KCTD20: variants seen among roughly 807,000 people sequenced by gnomAD.
The protein encoded by KCTD20 is BTB/POZ domain-containing protein KCTD20.
In KCTD20, 30 loss-of-function variants were observed where a neutral mutation model predicts 39.6. The observed-to-expected ratio is 0.76, with a 90% CI of 0.57 to 1.03. KCTD20 has a LOEUF of 1.03. Ranked by LOEUF, KCTD20 falls within the 50% of genes least tolerant of loss-of-function variation. The probability of loss-of-function intolerance (pLI) is 0.00; values close to 1 mark genes in which losing one functional copy is unlikely to be tolerated. For missense variants in KCTD20, 422 were observed against 522.0 expected (o/e 0.81, Z 1.87); for synonymous variants, 162 against 180.6 (o/e 0.90, Z 0.83).
chr6:36,489,438 A>G lies in KCTD20; in HGVS notation c.*2263A>G, dbSNP rs1356830204. ...AACCTGTGGGGTTTGAGTAAGCTGG[A>G]AATCTGTGACGGTAGGCTTTCTAGT... On this transcript the variant is annotated 3_prime_UTR_variant, in exon 8 of 8. Transcript: ENST00000373731. 3 of 152,178 alleles carry G rather than the reference A, an allele frequency of 2.0e-5. No individual in the cohort carries two copies. Among genetic ancestry groups the G allele is most frequent in the African/African-American group, 7.2e-5 (3 of 41,426 alleles). 9.4% of individuals were successfully genotyped at this position (152,178 alleles called of 1,614,324 possible). A position where few individuals can be genotyped will look rare whatever the true frequency, so the allele number is the denominator to read the frequency against.
rs1776180942 is a variant in KCTD20, at chr6:36,479,653, T to C, written c.600T>C (p.Asp200=). Residue 200 remains aspartate (D), a synonymous_variant, in exon 5 of 8, where the codon GAT becomes GAC. Coordinates refer to ENST00000373731, the MANE Select transcript of KCTD20 (RefSeq NM_173562.5). ...GCATCTCTATCCCAGATCTTAGAGA[T>C]ACTTGTGATTATCTCTGCATTAATT... ...PDGISIPDLR[D]TCDYLCINFD... is the part of the protein sequence containing the mutation. The C allele has an allele frequency of 1.9e-6, 3 of 1,610,376 alleles. No homozygotes were observed. In the South Asian group the frequency reaches 3.3e-5, roughly 18 times the overall value.
rs1775857440 is a variant in KCTD20, at chr6:36,469,682, G to GT, written c.-46-366dup. 6.6e-6 allele frequency among the ~76,000 whole-genome samples: 1 copy of GT among 152,068 alleles called. No individual in the cohort carries two copies. The highest frequency in any genetic ancestry group is 2.4e-5 in the African/African-American group (1 of 41,394). On this transcript the variant is annotated intron_variant, in intron 1 of 7. Coordinates refer to ENST00000373731, the MANE Select transcript of KCTD20 (RefSeq NM_173562.5). This position sits in a 1 kb window ranked among gnomAD's most constrained non-coding sequence, Gnocchi z 4.6. ...ATGTGTCAATTTTAAAAAAACATAGGTTTTCTTTAGTTGAAAAGTTGGACT... is the reference window on the plus strand; with the variant it reads ...ATGTGTCAATTTTAAAAAAACATAGGTTTTTCTTTAGTTGAAAAGTTGGACT...
In KCTD20 at chr6:36,486,495, C is replaced by CA. The variant is rs541483219; in HGVS notation, c.968-388_968-387insA. On this transcript the variant is annotated intron_variant, in intron 7 of 7. Transcript: ENST00000373731. The stretch of plus-strand genomic sequence containing the variant: ...ACATTCCACATTTCCTTAACTGTTT[C>CA]TCATATAGTATGCCCTCTAAGCAAT... 4.6e-5 allele frequency among the ~76,000 whole-genome samples: 7 copies of CA among 152,272 alleles called. No individual in the cohort carries two copies. The South Asian group carries it at 1.4e-3, about 32-fold the overall frequency.
At chr6:36,450,351 G>A (rs182293082) in intron 1 of KCTD20, among the ~76,000 whole-genome samples, 260 of 151,690 alleles carry the variant, frequency 1.7e-3, no homozygotes, top group African/African-American at 6.1e-3. Flanking sequence ...AGCTGGGCAC[G>A]ATGGCACGTG....
chr6:36,487,203 G>A lies in KCTD20; in HGVS notation c.*28G>A, dbSNP rs1776453937. ...CCAGCTGTGGGTCTACTCCTTGTTG[G>A]AGCCCATCTCACCTGGGATGCCTGC... On this transcript the variant is annotated 3_prime_UTR_variant, in exon 8 of 8. Transcript: ENST00000373731. 2.5e-6 allele frequency: 4 copies of A among 1,589,966 alleles called. No homozygotes were observed. Among genetic ancestry groups the A allele is most frequent in the Non-Finnish European group, 3.4e-6 (4 of 1,166,880 alleles).
chr6:36,474,723 A>G, intron 2 of KCTD20, 66 bp from the exon 3 acceptor site: 5 of 1,395,860 alleles, frequency 3.6e-6, no homozygotes, highest in Non-Finnish European at 4.8e-6. Context: ...TAAAGAAGAC[A>G]GGGTTTATTT....
chr6:36,459,751 GT>G (rs992752389), intron 1 of KCTD20, among the ~76,000 whole-genome samples: 5 of 151,868 alleles, frequency 3.3e-5, no homozygotes, highest in African/African-American at 1.2e-4. Context: ...CCTTTATACT[GT>G]TTTCTGACAG....
At chr6:36,484,850 C>T (rs1017158221) in intron 7 of KCTD20, 26 bp downstream of exon 7, 2 of 1,309,058 alleles carry the variant, frequency 1.5e-6, no homozygotes, top group Non-Finnish European at 2.2e-6. Context: ...AAATCCCAGT[C>T]AACATTCAGG....
chr6:36,446,270 C>T (rs1423323835), intron 1 of KCTD20, among the ~76,000 whole-genome samples: 4 of 151,960 alleles, frequency 2.6e-5, no homozygotes, highest in African/African-American at 7.3e-5. Context: ...TCAGGTGATC[C>T]GCCCACCTGG....
intron 6 of KCTD20, among the ~76,000 whole-genome samples, chr6:36,483,257 C>CTTTTTTTTTTTTTTTTTTTTTTTTTTT (rs1271097017): frequency 8.1e-6 from 1 of 123,734 alleles, no homozygotes; most frequent in African/African-American, 3.4e-5. Context: ...AAAACAGTGG[C>CTTTTTTTTTTTTTTTTTTTTTTTTTTT]TTTTTCTTTT....
chr6:36,485,219 C>G (rs1005689369), intron 7 of KCTD20, among the ~76,000 whole-genome samples: 3 of 151,792 alleles, frequency 2.0e-5, no homozygotes, highest in African/African-American at 7.3e-5. Context: ...AAGATTATTC[C>G]GGCTGGGCAC....
intron 1 of KCTD20, among the ~76,000 whole-genome samples, chr6:36,466,443 A>G (rs1210552865): frequency 6.8e-6 from 1 of 147,670 alleles, no homozygotes; most frequent in East Asian, 2.0e-4. Context: ...GTGCAGTGGT[A>G]CAATCACAGC....
rs370147381 is a variant in KCTD20, at chr6:36,470,218, C to T, written c.121C>T (p.Pro41Ser). ...AGCAAACAGCCTGGCTTCATCTGGT[C>T]CTCATAATCTTACTTATCCTCTAGG... ...KEANSLASSG[P>S]HNLTYPLGPR... Residue 41 changes from proline to serine, a missense_variant, in exon 2 of 8, where the codon CCT (proline) becomes TCT (serine). Transcript: ENST00000373731. 6.2e-7 allele frequency: 1 copy of T among 1,613,636 alleles called. No individual in the cohort carries two copies. The highest frequency in any genetic ancestry group is 8.5e-7 in the Non-Finnish European group (1 of 1,179,798).
chr6:36,446,024 G>GTTTTTTTTTTTTTTTTTTT (rs553882182), intron 1 of KCTD20, among the ~76,000 whole-genome samples: 2 of 126,538 alleles, frequency 1.6e-5, no homozygotes, highest in African/African-American at 3.0e-5. Flanking sequence ...TATGAACTCA[G>GTTTTTTTTTTTTTTTTTTT]TTTTTTTTTT....
At position 36,487,908 on chromosome 6, in the gene KCTD20, G is replaced by C. The variant is rs902436217; in HGVS notation, c.*733G>C. 3 of 152,196 alleles carry C rather than the reference G, an allele frequency of 2.0e-5. No homozygotes were observed. The highest frequency in any genetic ancestry group is 4.8e-5 in the African/African-American group (2 of 41,446). The allele number at this position is 152,196 out of a possible 1,614,324, so 9.4% of individuals were successfully genotyped here. A position where few individuals can be genotyped will look rare whatever the true frequency, so the allele number is the denominator to read the frequency against. The stretch of plus-strand genomic sequence containing the variant: ...ATTCATTTGGAATGAAACTCACAAT[G>C]CAAGTAGAAGGACCTCTCCAAATCA... On this transcript the variant is annotated 3_prime_UTR_variant, in exon 8 of 8. Transcript: ENST00000373731.
In KCTD20 at chr6:36,474,808, C is replaced by T. The variant is rs1253403854; in HGVS notation, c.180C>T (p.Ala60=). 6 of 1,611,466 alleles carry T rather than the reference C, an allele frequency of 3.7e-6. No homozygotes were observed. The African/African-American group carries it at 8.0e-5, about 22-fold the overall frequency. ...PRNEDLSLDY[A]SQPANLQFPH... is the part of the protein sequence containing the mutation. Reference sequence around the variant, plus strand: ...TTTTAGACCTCTCACTTGACTATGCCTCTCAGCCAGCAAATCTTCAGTTCC... The same window carrying T: ...TTTTAGACCTCTCACTTGACTATGCTTCTCAGCCAGCAAATCTTCAGTTCC... The change falls in exon 3 of 8, where the codon GCC becomes GCT. Residue 60 remains alanine, a synonymous_variant. Transcript: ENST00000373731.
chr6:36,479,819 T>G, intron 5 of KCTD20, 108 bp downstream of exon 5: 1 of 844,584 alleles, frequency 1.2e-6, no homozygotes, highest in Non-Finnish European at 1.7e-6. Flanking sequence ...TGAGACAGAG[T>G]CTCGCTCTGT....
At chr6:36,449,373 CTAGACACAGAGCGCTGATTGA>C (rs1435678744) in intron 1 of KCTD20, among the ~76,000 whole-genome samples, 4 of 151,276 alleles carry the variant, frequency 2.6e-5, no homozygotes, top group Non-Finnish European at 4.4e-5. Context: ...AAACCTTTAG[CTAGACACAGAGCGCTGATTGA>C]TAGACACAGA....
chr6:36,450,160 T>C (rs1775198352), intron 1 of KCTD20, among the ~76,000 whole-genome samples: 1 of 84,690 alleles, frequency 1.2e-5, no homozygotes. Context: ...TGAGACTCCG[T>C]CCTAAAAAAA....
Sources: allele counts gnomAD v4.1 joint callset (sites outside exome capture counted in the v4.1 genomes callset), GRCh38; gene constraint gnomAD v4.1.1; non-coding constraint Gnocchi (gnomAD v3.1); transcripts MANE v1.5; gene names NCBI Gene and HGNC (gene_info 2026-07-23, HGNC 2026-07-21).